The following COL4A2 variants were observed in gnomAD, a reference collection of about 807,000 sequenced individuals.
The protein encoded by COL4A2 is collagen alpha-2(IV) chain.
COL4A2 carries 99 observed loss-of-function variants against 200.2 expected under a neutral mutation model. The observed-to-expected ratio is 0.49, with a 90% CI of 0.42 to 0.58. COL4A2 has a LOEUF of 0.58. Among genes scored for constraint, COL4A2 ranks in the 20% least tolerant of loss-of-function variants. The pLI is 0.00. For missense variants in COL4A2, 1,950 were observed against 2,314.1 expected (o/e 0.84, Z 3.23); for synonymous variants, 897 against 900.6 (o/e 1.00, Z 0.07).
rs1004346642 is a variant in COL4A2 at position 110,503,937 on chromosome 13, G to A, written c.4229G>A (p.Arg1410Gln). 1.1e-5 allele frequency: 17 copies of A among 1,579,858 alleles called. No homozygotes were observed. Among genetic ancestry groups the A allele is most frequent in the South Asian group, 6.7e-5 (6 of 89,120 alleles). Residue 1410 changes from arginine to glutamine, a missense_variant, in exon 44 of 48, where the codon CGA becomes CAA. Around this residue, in one of 2 missense-constraint regions of COL4A2, gnomAD observed 1,385 missense variants for 1,720.5 expected, o/e 0.80. Transcript: ENST00000360467. ...QPGTVGPQGR[R>Q]GPPGAPGEMG... The stretch of plus-strand genomic sequence containing the variant: ...GGGACAGTGGGTCCCCAGGGGAGGC[G>A]AGGCCCCCCTGGGGCACCGGGGGAG...
chr13:110,322,422 C>T (rs780947557), intron 3 of COL4A2, among the ~76,000 whole-genome samples: 19 of 152,176 alleles, frequency 1.2e-4, no homozygotes, highest in Admixed American at 4.6e-4. Context: ...TCTGGGTTGC[C>T]CACACAGGTG....
chr13:110,350,738 G>A (rs976239266), intron 3 of COL4A2, among the ~76,000 whole-genome samples: 1 of 152,174 alleles, frequency 6.6e-6, no homozygotes, highest in Non-Finnish European at 1.5e-5. Context: ...TAGAAAGCAG[G>A]TTCTGCTCCA....
At chr13:110,331,742 T>G (rs1875925136) in intron 3 of COL4A2, among the ~76,000 whole-genome samples, 1 of 152,166 alleles carries the variant, frequency 6.6e-6, no homozygotes. Flanking sequence ...ATGTTTGCCT[T>G]TCTCTGATTC....
intron 2 of COL4A2, 55 bp downstream of exon 2, chr13:110,308,002 G>T: frequency 1.2e-6 from 2 of 1,611,466 alleles, no homozygotes; most frequent in East Asian, 2.2e-5. Flanking sequence ...ACCCTTCGGT[G>T]TAACTCTCGG....
At chr13:110,438,295 G>A (rs1317382787) in intron 14 of COL4A2, among the ~76,000 whole-genome samples, 2 of 152,242 alleles carry the variant, frequency 1.3e-5, no homozygotes, top group South Asian at 2.1e-4. Flanking sequence ...AGATGGCGGA[G>A]GGGCGTGGCT....
chr13:110,383,419 CT>C (rs1302595076), intron 4 of COL4A2, among the ~76,000 whole-genome samples: 3 of 152,104 alleles, frequency 2.0e-5, no homozygotes, highest in African/African-American at 7.2e-5. Context: ...GTATTTTTAT[CT>C]GATAAATGCT....
intron 3 of COL4A2, among the ~76,000 whole-genome samples, chr13:110,319,701 A>C (rs190882605): frequency 4.6e-5 from 7 of 152,306 alleles, no homozygotes; most frequent in Admixed American, 4.6e-4. Context: ...TAGTTGTCCT[A>C]ATTGTAACAA....
At chr13:110,503,359 C>T (rs1258041658) in intron 42 of COL4A2, 24 bp from the exon 43 acceptor site, 1 of 1,592,574 alleles carries the variant, frequency 6.3e-7, no homozygotes, top group Non-Finnish European at 8.6e-7. Context: ...CTTTCGTGTC[C>T]CTAACGTCTT....
In COL4A2 at chr13:110,489,787, T is replaced by TA. The variant is rs761761900; in HGVS notation, c.3346+3dup. On this transcript the variant is annotated splice_region_variant and intron_variant, in intron 36 of 47. Transcript: ENST00000360467. ...AGCGGGGCACCACTGGAATACCAGG[T>TA]ACGCAAGTTATTTTCCTTGTCTTCA... The TA allele has an allele frequency of 3.7e-6, 6 of 1,604,786 alleles. No individual in the cohort carries two copies. In the South Asian group the frequency reaches 6.7e-5, roughly 18 times the overall value.
At chr13:110,315,168 G>A (rs573692192) in intron 3 of COL4A2, among the ~76,000 whole-genome samples, 1 of 152,328 alleles carries the variant, frequency 6.6e-6, no homozygotes, top group Non-Finnish European at 1.5e-5. Context: ...GGGGGGATAA[G>A]GATGGCCTGT....
intron 3 of COL4A2, among the ~76,000 whole-genome samples, chr13:110,331,790 C>G (rs1226586355): frequency 6.6e-6 from 1 of 152,112 alleles, no homozygotes; most frequent in Non-Finnish European, 1.5e-5. Flanking sequence ...ATCTACTGGC[C>G]ATTTGGTTAT....
chr13:110,330,166 C>G (rs1875841850), intron 3 of COL4A2, among the ~76,000 whole-genome samples: 1 of 152,110 alleles, frequency 6.6e-6, no homozygotes, highest in East Asian at 1.9e-4. Context: ...GAGAATGGAC[C>G]TTGATTTTGT....
chr13:110,468,170 G>A (rs1464548405), intron 27 of COL4A2: 1 of 471,294 alleles, frequency 2.1e-6, no homozygotes, highest in Non-Finnish European at 4.4e-6. Flanking sequence ...CCTTAAGGGG[G>A]TCTTCGGAGT....
At chr13:110,401,920 G>A (rs1255567366) in intron 4 of COL4A2, among the ~76,000 whole-genome samples, 3 of 152,082 alleles carry the variant, frequency 2.0e-5, no homozygotes, top group East Asian at 1.9e-4. Flanking sequence ...CTTTATAAGG[G>A]CACTAATCCC....
chr13:110,406,852 C>G (rs1195946899), intron 4 of COL4A2, among the ~76,000 whole-genome samples: 5 of 152,144 alleles, frequency 3.3e-5, no homozygotes, highest in African/African-American at 1.2e-4. Context: ...TTGGTGATTA[C>G]TAAACATTTG....
intron 3 of COL4A2, among the ~76,000 whole-genome samples, chr13:110,355,778 GGGT>G (rs1433068485): frequency 2.8e-5 from 2 of 71,598 alleles, no homozygotes; most frequent in Non-Finnish European, 5.1e-5. Context: ...CTGTGTGTGG[GGGT>G]GGAGGGCTGT....
Position 110,309,653 on chromosome 13 carries a change from C to G in COL4A2, c.99+1530C>G, listed in dbSNP as rs112065344. Among the ~76,000 whole-genome samples the G allele has an allele frequency of 3.8e-3, 581 of 152,258 alleles. 4 individuals are homozygous for G. Among genetic ancestry groups the G allele is most frequent in the African/African-American group, 0.013 (551 of 41,538 alleles). ...CCAGGTATTCTTTTCTGAACTCATC[C>G]TAAAATTGGTAGAAAGACCACCAAG... On this transcript the variant is annotated intron_variant, in intron 3 of 47. Transcript: ENST00000360467.
chr13:110,461,184 G>C (rs1176746597), intron 22 of COL4A2, among the ~76,000 whole-genome samples: 1 of 152,200 alleles, frequency 6.6e-6, no homozygotes, highest in Non-Finnish European at 1.5e-5. Flanking sequence ...CTTAACCTCA[G>C]TGCAGGAAAC....
At chr13:110,335,339 C>T (rs1285312298) in intron 3 of COL4A2, among the ~76,000 whole-genome samples, 1 of 152,016 alleles carries the variant, frequency 6.6e-6, no homozygotes, top group Non-Finnish European at 1.5e-5. Context: ...TGAAAGGGAC[C>T]CAGTGGGAGG....
Sources: gnomAD v4.1 joint callset for allele counts (sites outside exome capture counted in the v4.1 genomes callset) on GRCh38, gnomAD v4.1.1 for gene constraint, gnomAD v4.1.1 regional missense constraint, MANE v1.5 for transcripts, NCBI Gene and HGNC (gene_info 2026-07-23, HGNC 2026-07-21) for gene names.